VPS13C: variants seen among roughly 807,000 people sequenced by gnomAD.
VPS13C encodes vacuolar protein sorting 13 homolog C.
Under a neutral mutation model 456.8 loss-of-function variants are expected in VPS13C, and 358 were observed. The observed-to-expected ratio is 0.78, with a 90% CI of 0.72 to 0.86. VPS13C has a LOEUF of 0.86. Ranked by LOEUF, VPS13C falls within the 40% of genes least tolerant of loss-of-function variation. The pLI is 0.00. For synonymous variants in VPS13C, 1,578 were observed against 1,486.7 expected, an observed-to-expected ratio of 1.06 and a Z score of -1.41; for missense variants, 4,818 against 4,385.4, an observed-to-expected ratio of 1.10 and a Z score of -2.79.
At position 61,856,357 on chromosome 15, in the gene VPS13C, A is replaced by G. The variant is rs1359391659; in HGVS notation, c.11005T>C (p.Trp3669Arg). The G allele has an allele frequency of 2.5e-6, 4 of 1,613,386 alleles. No homozygotes were observed. The East Asian group carries it at 6.7e-5, about 27-fold the overall frequency. Reference protein sequence around the residue: ...VEILGLMCVDWQCPFEDFVFP... With the variant: ...VEILGLMCVDRQCPFEDFVFP... The stretch of plus-strand genomic sequence containing the variant: ...ACAAAATCTTCAAATGGACATTGCC[A>G]GTCTACACACATAAGGCCCAGGATT... Residue 3669 changes from tryptophan to arginine, a missense_variant, in exon 83 of 85, where the codon TGG (tryptophan) becomes CGG (arginine). Around this residue, in one of 3 missense-constraint regions of VPS13C, gnomAD observed 261 missense variants for 234.1 expected, o/e 1.11. Transcript: ENST00000644861.
chr15:62,050,365 T>A (rs568959109), intron 1 of VPS13C, among the ~76,000 whole-genome samples: 1 of 152,192 alleles, frequency 6.6e-6, no homozygotes. Context: ...GTAGACAATA[T>A]ACACAGTAAG....
At chr15:61,873,475 A>G in intron 77 of VPS13C, 66 bp from the exon 78 acceptor site, 2 of 1,461,310 alleles carry the variant, frequency 1.4e-6, no homozygotes, top group South Asian at 1.3e-5. Flanking sequence ...CAACAGCAAG[A>G]AAACAAATAA....
Position 62,033,467 on chromosome 15 carries a change from T to A in VPS13C, c.359A>T (p.Glu120Val). The A allele has an allele frequency of 6.2e-7, 1 of 1,606,026 alleles. No individual in the cohort carries two copies. Among genetic ancestry groups the A allele is most frequent in the South Asian group, 1.1e-5 (1 of 89,868 alleles). Residue 120 changes from glutamate (E) to valine (V), a missense_variant, in exon 5 of 85, where the codon GAA (glutamate) becomes GTA (valine). Physicochemically the swap from Glu to Val is moderately radical, Grantham distance 121. This residue lies in a region of VPS13C where 4,552 missense variants were observed against 4,130.6 expected (regional missense o/e 1.10). Coordinates refer to ENST00000644861, the MANE Select transcript of VPS13C (RefSeq NM_020821.3). The stretch of plus-strand genomic sequence containing the variant: ...TTTTTCTGCTGCTTTTTGAAGGGCT[T>A]CTTCAATTCGGGATAGCTCTTTCTG... ...VKQKELSRIE[E>V]ALQKAAEKGT...
intron 28 of VPS13C, 136 bp from the exon 29 acceptor site, chr15:61,967,583 C>T: frequency 1.5e-6 from 1 of 647,062 alleles, no homozygotes; most frequent in South Asian, 2.0e-5. Flanking sequence ...CTATTAAATA[C>T]AAAGGCCATC....
At chr15:61,946,002 A>T in intron 44 of VPS13C, 120 bp from the exon 45 acceptor site, 2 of 901,828 alleles carry the variant, frequency 2.2e-6, no homozygotes, top group Non-Finnish European at 3.1e-6. Context: ...TGAATTCAAC[A>T]TTAAAAATTA....
chr15:61,856,682 C>CTT, intron 82 of VPS13C: 5 of 130,940 alleles, frequency 3.8e-5, no homozygotes, highest in South Asian at 1.9e-4. Flanking sequence ...TTTCTTTTTT[C>CTT]TTTTCTTTTT....
intron 34 of VPS13C, among the ~76,000 whole-genome samples, chr15:61,962,109 G>C (rs1346130587): frequency 6.6e-6 from 1 of 152,008 alleles, no homozygotes; most frequent in Non-Finnish European, 1.5e-5. Flanking sequence ...AAGGAACAGA[G>C]AAAAATTTTT....
rs1482801269 is a variant in VPS13C, at chr15:61,921,978, T to A, written c.7031A>T (p.Glu2344Val). 6.2e-7 allele frequency: 1 copy of A among 1,613,622 alleles called. No homozygotes were observed. The highest frequency in any genetic ancestry group is 8.5e-7 in the Non-Finnish European group (1 of 1,179,656). Reference protein sequence around the residue: ...AVWEPLIERVEGKRQWNLRLD... With the variant: ...AVWEPLIERVVGKRQWNLRLD... Reference sequence around the variant, plus strand: ...CCTTAAATTCCATTGTCTCTTCCCCTCCACTCTCTCAATCAGTGGCTCCCA... The same window carrying A: ...CCTTAAATTCCATTGTCTCTTCCCCACCACTCTCTCAATCAGTGGCTCCCA... Residue 2344 changes from glutamate to valine, a missense_variant, in exon 55 of 85, where the codon GAG becomes GTG. Glu to Val is a moderately radical substitution (Grantham distance 121, BLOSUM62 -2). Around this residue, in one of 3 missense-constraint regions of VPS13C, gnomAD observed 4,552 missense variants for 4,130.6 expected, o/e 1.10. Transcript: ENST00000644861.
rs137963745 is a variant in VPS13C at position 61,893,283 on chromosome 15, GACTTCTCAGGAA to G, written c.9106-2895_9106-2884del. Among the ~76,000 whole-genome samples, 1,280 of 152,260 alleles carry G rather than the reference GACTTCTCAGGAA, an allele frequency of 8.4e-3. 15 individuals are homozygous for G. The highest frequency in any genetic ancestry group is 0.014 in the Non-Finnish European group (986 of 68,022). On this transcript the variant is annotated intron_variant, in intron 66 of 84. Transcript: ENST00000644861. ...AGAAGCTGCAATTTGTCTGGCAACTGACTTCTCAGGAAACCATGCCCTGCAGGAGGCAGTGGG... is the reference window on the plus strand; with the variant it reads ...AGAAGCTGCAATTTGTCTGGCAACTGACCATGCCCTGCAGGAGGCAGTGGG...
intron 15 of VPS13C, among the ~76,000 whole-genome samples, chr15:62,001,361 T>C (rs773845138): frequency 3.9e-5 from 6 of 152,238 alleles, no homozygotes; most frequent in Non-Finnish European, 8.8e-5. Context: ...GTGATTGTGA[T>C]ATACTTCAGA....
At chr15:61,891,000 T>C (rs1252622420) in intron 66 of VPS13C, among the ~76,000 whole-genome samples, 1 of 152,114 alleles carries the variant, frequency 6.6e-6, no homozygotes, top group South Asian at 2.1e-4. Flanking sequence ...TGAGCTGAGA[T>C]AGCGTCATCG....
At position 61,863,444 on chromosome 15, in the gene VPS13C, T is replaced by C. The variant is rs745860521; in HGVS notation, c.10948A>G (p.Asn3650Asp). 4 of 1,610,960 alleles carry C rather than the reference T, an allele frequency of 2.5e-6. No individual in the cohort carries two copies. Among genetic ancestry groups the C allele is most frequent in the Middle Eastern group, 1.7e-4 (1 of 6,046 alleles). The change falls in exon 82 of 85, where the codon AAT becomes GAT. Residue 3650 changes from asparagine to aspartate, a missense_variant. Physicochemically the swap from Asn to Asp is conservative, Grantham distance 23. Coordinates refer to ENST00000644861, the MANE Select transcript of VPS13C (RefSeq NM_020821.3). The part of the protein sequence containing the change: ...GSKKTILMVT[N>D]RRVLCIKEVE... ...AATGTCACTTCAAGTCAGTACCTAT[T>C]TGTAACCATAAGGATTGTCTTCTTG... is the stretch of plus-strand genomic sequence containing the variant.
chr15:61,927,010 A>G lies in VPS13C; in HGVS notation c.6516+81T>C. The G allele has an allele frequency of 3.3e-6, 4 of 1,220,644 alleles. No homozygotes were observed. The South Asian group carries it at 4.2e-5, about 13-fold the overall frequency. 75.6% of individuals were successfully genotyped at this position (1,220,644 alleles called of 1,614,324 possible). A position where few individuals can be genotyped will look rare whatever the true frequency, so the allele number is the denominator to read the frequency against. On this transcript the variant is annotated intron_variant, in intron 52 of 84. Coordinates refer to ENST00000644861, the MANE Select transcript of VPS13C (RefSeq NM_020821.3). ...TAAATAATCTCTAAAGTCCCTGCAGAGCTCTCATATTCTAGGATTCTATGA... is the reference window on the plus strand; with the variant it reads ...TAAATAATCTCTAAAGTCCCTGCAGGGCTCTCATATTCTAGGATTCTATGA...
chr15:61,952,246 T>G (rs977368585), intron 38 of VPS13C, among the ~76,000 whole-genome samples: 1 of 152,166 alleles, frequency 6.6e-6, no homozygotes, highest in African/African-American at 2.4e-5. Context: ...CCATTAACAT[T>G]TTGAGCTGGT....
chr15:62,008,684 A>G lies in VPS13C; in HGVS notation c.1089T>C (p.Tyr363=). Residue 363 remains tyrosine, a synonymous_variant, in exon 14 of 85, where the codon TAT becomes TAC. Coordinates refer to ENST00000644861, the MANE Select transcript of VPS13C (RefSeq NM_020821.3). ...RNAPYRKYKP[Y]LPLHTNGRRW... ...GTCGACCATTGGTATGAAGTGGTAA[A>G]TAAGGCTTGTATTTCCTATAAGGCG... The G allele has an allele frequency of 4.4e-6, 7 of 1,607,330 alleles. No individual in the cohort carries two copies. The highest frequency in any genetic ancestry group is 5.9e-6 in the Non-Finnish European group (7 of 1,176,686).
Position 61,974,371 on chromosome 15 carries a change from C to G in VPS13C, c.2455G>C (p.Asp819His). Residue 819 changes from aspartate to histidine, a missense_variant, in exon 25 of 85, where the codon GAC (aspartate) becomes CAC (histidine). Around this residue, in one of 3 missense-constraint regions of VPS13C, gnomAD observed 4,552 missense variants for 4,130.6 expected, o/e 1.10. Coordinates refer to ENST00000644861, the MANE Select transcript of VPS13C (RefSeq NM_020821.3). ...TATAGCACATCTTTCATCTTCTGGT[C>G]AGAAATTCTCACATGCATCAAAGGA... The part of the protein sequence containing the change: ...GLPLMHVRIS[D>H]QKMKDVLYLM... 1 of 1,612,636 alleles carries G rather than the reference C, an allele frequency of 6.2e-7. No individual in the cohort carries two copies.
chr15:62,022,611 T>C (rs1215965206), intron 8 of VPS13C, among the ~76,000 whole-genome samples: 5 of 151,928 alleles, frequency 3.3e-5, no homozygotes, highest in African/African-American at 1.2e-4. Flanking sequence ...TCTACAAATG[T>C]GTCCTGCTGA....
chr15:61,882,480 T>A, intron 69 of VPS13C, 116 bp downstream of exon 69: 2 of 1,062,586 alleles, frequency 1.9e-6, no homozygotes, highest in Non-Finnish European at 2.5e-6. Context: ...GGAAAAAACA[T>A]ACAAACAAAG....
chr15:61,919,146 C>T (rs2043565984), intron 58 of VPS13C, 143 bp downstream of exon 58: 15 of 763,074 alleles, frequency 2.0e-5, no homozygotes, highest in Non-Finnish European at 2.9e-5. Flanking sequence ...ATTTCTGTTA[C>T]TATTTATTTC....
Sources: gnomAD v4.1 joint callset for allele counts (sites outside exome capture counted in the v4.1 genomes callset) on GRCh38, gnomAD v4.1.1 for gene constraint, gnomAD v4.1.1 regional missense constraint, MANE v1.5 for transcripts, NCBI Gene and HGNC (gene_info 2026-07-23, HGNC 2026-07-21) for gene names.